EYA4: variants seen among roughly 807,000 people sequenced by gnomAD.
The protein encoded by EYA4 is protein phosphatase EYA4.
EYA4 carries 31 observed loss-of-function variants against 87.9 expected under a neutral mutation model. That is an observed-to-expected ratio of 0.35 (90% CI 0.27 to 0.48). The LOEUF (loss-of-function observed/expected upper bound fraction) is 0.48. Ranked by LOEUF, EYA4 falls within the 20% of genes least tolerant of loss-of-function variation. The pLI, the probability that EYA4 is intolerant of heterozygous loss-of-function variation, is 0.99. For synonymous variants in EYA4, 263 were observed against 270.6 expected, an observed-to-expected ratio of 0.97 and a Z score of 0.28; for missense variants, 678 against 761.4, an observed-to-expected ratio of 0.89 and a Z score of 1.29.
intron 13 of EYA4, among the ~76,000 whole-genome samples, chr6:133,487,272 A>G (rs1796761616): frequency 6.6e-6 from 1 of 152,208 alleles, no homozygotes; most frequent in African/African-American, 2.4e-5. Flanking sequence ...ACCATGGGAT[A>G]AAGTGCTCTG....
At chr6:133,258,359 C>T (rs1362377956) in intron 1 of EYA4, among the ~76,000 whole-genome samples, 1 of 152,224 alleles carries the variant, frequency 6.6e-6, no homozygotes, top group East Asian at 1.9e-4. Context: ...TTTCAGTTCT[C>T]ACGCTTTAAA....
chr6:133,448,265 C>T (rs1167305947), intron 5 of EYA4, 86 bp downstream of exon 5: 12 of 984,796 alleles, frequency 1.2e-5, no homozygotes, highest in Non-Finnish European at 2.0e-5. Context: ...TCTATGTTTG[C>T]ATCTCTTTTC....
intron 6 of EYA4, among the ~76,000 whole-genome samples, chr6:133,458,484 T>A (rs952878631): frequency 2.0e-5 from 3 of 152,088 alleles, no homozygotes; most frequent in Non-Finnish European, 2.9e-5. Context: ...TGTGGAAAGT[T>A]TTATTCCACA....
At chr6:133,356,586 C>T (rs913571011) in intron 2 of EYA4, among the ~76,000 whole-genome samples, 3 of 151,996 alleles carry the variant, frequency 2.0e-5, no homozygotes, top group African/African-American at 7.3e-5. Context: ...GTAGTGTCTA[C>T]TCAGTTACAG....
At chr6:133,442,394 A>G (rs1304869215) in intron 3 of EYA4, among the ~76,000 whole-genome samples, 1 of 152,182 alleles carries the variant, frequency 6.6e-6, no homozygotes, top group East Asian at 1.9e-4. Flanking sequence ...GATTAGCCCA[A>G]CTTCCATCCC....
rs1583579119 is a variant in EYA4 at position 133,529,249 on chromosome 6, A to T, written c.*444A>T. 1 of 1,125,170 alleles carries T rather than the reference A, an allele frequency of 8.9e-7. No individual in the cohort carries two copies. Among genetic ancestry groups the T allele is most frequent in the East Asian group, 6.5e-5 (1 of 15,380 alleles). 69.7% of individuals were successfully genotyped at this position (1,125,170 alleles called of 1,614,324 possible). ...AGAAAATCTGAATTGGAATGCACTCAGACTGTATAAGGACAGTCCTATTTA... is the reference window on the plus strand; with the variant it reads ...AGAAAATCTGAATTGGAATGCACTCTGACTGTATAAGGACAGTCCTATTTA... On this transcript the variant is annotated 3_prime_UTR_variant, in exon 20 of 20. Transcript: ENST00000355286.
rs558193986 is a variant in EYA4, at chr6:133,461,312, A to G, written c.437+132A>G. 5.5e-6 allele frequency: 4 copies of G among 727,204 alleles called. No individual in the cohort carries two copies. In the African/African-American group the frequency reaches 7.0e-5, roughly 13 times the overall value. The allele number at this position is 727,204 out of a possible 1,614,324, so 45.0% of individuals were successfully genotyped here. On this transcript the variant is annotated intron_variant, in intron 7 of 19. Coordinates refer to ENST00000355286, the MANE Select transcript of EYA4 (RefSeq NM_004100.5). Reference sequence around the variant, plus strand: ...TCCTGTACAAATTTGAAATGGAGACACCCACATGTATCTTGATGATTCCCT... The same window carrying G: ...TCCTGTACAAATTTGAAATGGAGACGCCCACATGTATCTTGATGATTCCCT...
chr6:133,514,362 T>A (rs1799416236), intron 16 of EYA4, among the ~76,000 whole-genome samples: 1 of 152,232 alleles, frequency 6.6e-6, no homozygotes, highest in African/African-American at 2.4e-5. Flanking sequence ...TTAATTTTTA[T>A]CATTCAGATG....
chr6:133,389,052 T>C (rs1787027781), intron 3 of EYA4, among the ~76,000 whole-genome samples: 1 of 152,122 alleles, frequency 6.6e-6, no homozygotes, highest in African/African-American at 2.4e-5. Flanking sequence ...AGTTTCTCCT[T>C]TCCCCTCCCA....
At position 133,284,989 on chromosome 6, in the gene EYA4, T is replaced by TG. The variant is rs34521551; in HGVS notation, c.33+10176_33+10177insG. Among the ~76,000 whole-genome samples the TG allele has an allele frequency of 5.3e-5, 5 of 94,492 alleles. No homozygotes were observed. In the East Asian group the frequency reaches 1.2e-3, roughly 23 times the overall value. 62.0% of individuals were successfully genotyped at this position (94,492 alleles called of 152,430 possible). On this transcript the variant is annotated intron_variant, in intron 2 of 19. Coordinates refer to ENST00000355286, the MANE Select transcript of EYA4 (RefSeq NM_004100.5). ...GTGAAGGGACAGCTGTGGTTTTTTG[T>TG]TTTTTTTTTTGTTTGTTTGTTTTTT...
At chr6:133,408,379 G>C (rs1788912886) in intron 3 of EYA4, among the ~76,000 whole-genome samples, 3 of 152,160 alleles carry the variant, frequency 2.0e-5, no homozygotes, top group Admixed American at 6.5e-5. Flanking sequence ...TGTCTGCATA[G>C]TCTTGTCCTC....
chr6:133,372,834 T>G (rs1015941569), intron 2 of EYA4, among the ~76,000 whole-genome samples: 15 of 151,910 alleles, frequency 9.9e-5, no homozygotes, highest in Non-Finnish European at 1.9e-4. Flanking sequence ...TTTGTGTGCA[T>G]TCTATCAATT....
intron 9 of EYA4, among the ~76,000 whole-genome samples, chr6:133,463,692 G>T (rs770771937): frequency 6.6e-6 from 1 of 152,020 alleles, no homozygotes; most frequent in East Asian, 1.9e-4. Flanking sequence ...GTTGCCAAAA[G>T]AATTTTAGTG....
At chr6:133,481,886 A>C (rs1031874724) in intron 12 of EYA4, among the ~76,000 whole-genome samples, 3 of 152,202 alleles carry the variant, frequency 2.0e-5, no homozygotes, top group African/African-American at 7.2e-5. Flanking sequence ...CAAATTTTAA[A>C]ACTATAGCCA....
chr6:133,493,568 A>T (rs1222067834), intron 13 of EYA4, among the ~76,000 whole-genome samples: 2 of 152,200 alleles, frequency 1.3e-5, no homozygotes, highest in African/African-American at 4.8e-5. Context: ...CCACAAGCAC[A>T]GGCAACCAAG....
rs747533763 is a variant in EYA4, at chr6:133,512,781, T to C, written c.1340+2T>C. 1 of 1,612,808 alleles carries C rather than the reference T, an allele frequency of 6.2e-7. No homozygotes were observed. Among genetic ancestry groups the C allele is most frequent in the Non-Finnish European group, 8.5e-7 (1 of 1,178,754 alleles). ...TGATGATAATGGGCAGGACTTAAGGTAAGCTATGCCTTTCAGTATGCTGTT... is the reference window on the plus strand; with the variant it reads ...TGATGATAATGGGCAGGACTTAAGGCAAGCTATGCCTTTCAGTATGCTGTT... On this transcript the variant is annotated splice_donor_variant, in intron 15 of 19. Transcript: ENST00000355286. LOFTEE classifies it high-confidence loss of function.
At chr6:133,361,693 G>A (rs953476442) in intron 2 of EYA4, among the ~76,000 whole-genome samples, 1 of 152,212 alleles carries the variant, frequency 6.6e-6, no homozygotes, top group Non-Finnish European at 1.5e-5. Context: ...GATGAGATTT[G>A]AGAGGAATCC....
chr6:133,348,261 GTTTTTTTTTTTTTTTTTTTT>G (rs35905853), intron 2 of EYA4, among the ~76,000 whole-genome samples: 4 of 68,782 alleles, frequency 5.8e-5, no homozygotes, highest in Non-Finnish European at 5.3e-5. Flanking sequence ...TCTTCAAGTA[GTTTTTTTTTTTTTTTTTTTT>G]TTTTTTTTTG....
intron 11 of EYA4, among the ~76,000 whole-genome samples, chr6:133,469,542 T>C (rs960337301): frequency 6.6e-6 from 1 of 151,936 alleles, no homozygotes; most frequent in Admixed American, 6.6e-5. Flanking sequence ...AACAGATGCA[T>C]ATATATGCTA....
Sources: allele counts gnomAD v4.1 joint callset (sites outside exome capture counted in the v4.1 genomes callset), GRCh38; gene constraint gnomAD v4.1.1; transcripts MANE v1.5; gene names NCBI Gene and HGNC (gene_info 2026-07-23, HGNC 2026-07-21).